FAM161A: variants seen among roughly 807,000 people sequenced by gnomAD.
The protein encoded by FAM161A is FAM161 centrosomal protein A.
A neutral mutation model predicts 70.9 loss-of-function variants in FAM161A; 57 were observed. That is an observed-to-expected ratio of 0.80 (90% CI 0.65 to 1.00). The LOEUF (loss-of-function observed/expected upper bound fraction) is 1.00. FAM161A is among the 50% of genes least tolerant of loss of function. The pLI is 0.00. For synonymous variants in FAM161A, 299 were observed against 295.7 expected, an observed-to-expected ratio of 1.01 and a Z score of -0.12; for missense variants, 880 against 836.0, an observed-to-expected ratio of 1.05 and a Z score of -0.65.
chr2:61,817,061 G>C, the FAM161A span, among the ~76,000 whole-genome samples: 1 of 152,148 alleles, frequency 6.6e-6, no homozygotes, highest in South Asian at 2.1e-4. Flanking sequence ...AAGAAATAAA[G>C]CTTTACCAAG....
downstream of FAM161A, among the ~76,000 whole-genome samples, chr2:61,824,408 A>C (rs1269840903): frequency 6.6e-6 from 1 of 151,982 alleles, no homozygotes; most frequent in Admixed American, 6.6e-5. Flanking sequence ...AGTGCTTCAA[A>C]AGTTATTTCT....
downstream of FAM161A, chr2:61,820,540 G>T (rs1672180387): frequency 6.7e-6 from 5 of 744,896 alleles, no homozygotes; most frequent in Middle Eastern, 3.7e-4. Flanking sequence ...CATTAAAGAA[G>T]ACACTGAAGA....
downstream of FAM161A, among the ~76,000 whole-genome samples, chr2:61,821,630 C>T (rs1353177525): frequency 2.0e-5 from 3 of 151,992 alleles, no homozygotes; most frequent in Non-Finnish European, 2.9e-5. Flanking sequence ...CAGGATCTCA[C>T]GCTGTTGCCC....
At chr2:61,817,767 G>T in the FAM161A span, among the ~76,000 whole-genome samples, 5 of 152,196 alleles carry the variant, frequency 3.3e-5, no homozygotes, top group African/African-American at 1.2e-4. Flanking sequence ...AGGAGACCAA[G>T]ACCAGCCTGG....
intron 1 of FAM161A, among the ~76,000 whole-genome samples, chr2:61,845,021 C>T (rs1007874726): frequency 4.6e-5 from 7 of 152,154 alleles, no homozygotes; most frequent in African/African-American, 1.7e-4. Context: ...CGCCAGGAAA[C>T]ATGTGGATAA....
chr2:61,824,087 T>C (rs141176482), downstream of FAM161A, among the ~76,000 whole-genome samples: 816 of 151,628 alleles, frequency 5.4e-3, 9 homozygotes, highest in African/African-American at 0.019. Context: ...AGTGCAGTGG[T>C]GCCATCTCGG....
chr2:61,843,104 T>G (rs979657329), intron 1 of FAM161A, among the ~76,000 whole-genome samples: 2 of 151,814 alleles, frequency 1.3e-5, no homozygotes, highest in South Asian at 2.1e-4. Flanking sequence ...TGACTGGCCT[T>G]TCTCCCTCAC....
chr2:61,821,798 C>T (rs1480585265), downstream of FAM161A, among the ~76,000 whole-genome samples: 1 of 151,710 alleles, frequency 6.6e-6, no homozygotes. Flanking sequence ...TAGACAGAGT[C>T]TTGCTCTGTT....
chr2:61,849,583 A>C (rs1673425281), intron 1 of FAM161A, among the ~76,000 whole-genome samples: 1 of 151,798 alleles, frequency 6.6e-6, no homozygotes, highest in Admixed American at 6.6e-5. Flanking sequence ...TCAGGAGTTC[A>C]AGATCATCCT....
Position 61,847,297 on chromosome 2 carries a change from G to A in FAM161A, c.184-4937C>T, listed in dbSNP as rs1394806948. Among the ~76,000 whole-genome samples the A allele has an allele frequency of 4.6e-5, 7 of 152,074 alleles. No individual in the cohort carries two copies. In the East Asian group the frequency reaches 7.7e-4, roughly 17 times the overall value. The stretch of plus-strand genomic sequence containing the variant: ...TCCTTCAGGTCTTTATGTAAATGTT[G>A]TCTTCTCAATAAGGTCTTCCCTGAC... On this transcript the variant is annotated intron_variant, in intron 1 of 6. Coordinates refer to ENST00000404929, the MANE Select transcript of FAM161A (RefSeq NM_001201543.2).
chr2:61,800,604 G>A, the FAM161A span, among the ~76,000 whole-genome samples: 2 of 152,178 alleles, frequency 1.3e-5, no homozygotes, highest in African/African-American at 4.8e-5. Context: ...TTTGAGAGCT[G>A]AGAGTTGGCC....
the FAM161A span, among the ~76,000 whole-genome samples, chr2:61,817,980 C>A: frequency 2.6e-5 from 4 of 151,874 alleles, no homozygotes; most frequent in African/African-American, 4.8e-5. Context: ...AAACCAAAAC[C>A]AAACCAAAAC....
chr2:61,814,098 A>AG, the FAM161A span, among the ~76,000 whole-genome samples: 1 of 151,798 alleles, frequency 6.6e-6, no homozygotes, highest in Non-Finnish European at 1.5e-5. Context: ...AGACTCAGTC[A>AG]GGGGGCAAAG....
chr2:61,827,508 G>A (rs1055941806), intron 5 of FAM161A, among the ~76,000 whole-genome samples: 13 of 151,426 alleles, frequency 8.6e-5, no homozygotes, highest in African/African-American at 3.2e-4. Context: ...TACTCGGGAG[G>A]CTGAGGCAGG....
chr2:61,845,741 G>A (rs1216944917), intron 1 of FAM161A, among the ~76,000 whole-genome samples: 2 of 151,864 alleles, frequency 1.3e-5, no homozygotes, highest in Non-Finnish European at 2.9e-5. Flanking sequence ...GCTGCAGTGA[G>A]CCGTGAGCGC....
At chr2:61,806,381 G>A in the FAM161A span, among the ~76,000 whole-genome samples, 1 of 152,108 alleles carries the variant, frequency 6.6e-6, no homozygotes. Flanking sequence ...ACTTTACAAT[G>A]AACCGCCTTC....
rs1386113360 is a variant in FAM161A, at chr2:61,839,488, G to A, written c.1516C>T (p.Pro506Ser). Residue 506 changes from proline to serine, a missense_variant, in exon 3 of 7, where the codon CCT becomes TCT. Pro to Ser is a moderately conservative substitution (Grantham distance 74, BLOSUM62 -1). Transcript: ENST00000404929. ...KSPVRCAGVN[P>S]VPCNCNPPVP... is the part of the protein sequence containing the mutation. ...GGAGGGTTGCAGTTACAAGGCACAGGGTTTACACCTGCACATCTTACTGGT... is the reference window on the plus strand; with the variant it reads ...GGAGGGTTGCAGTTACAAGGCACAGAGTTTACACCTGCACATCTTACTGGT... 2 of 1,614,092 alleles carry A rather than the reference G, an allele frequency of 1.2e-6. No homozygotes were observed. The highest frequency in any genetic ancestry group is 1.1e-5 in the South Asian group (1 of 91,072).
rs1673039956 is a variant in FAM161A at position 61,842,143 on chromosome 2, T to C, written c.401A>G (p.Asp134Gly). Residue 134 changes from aspartate to glycine, a missense_variant, in exon 2 of 7, where the codon GAC becomes GGC. Physicochemically the swap from Asp to Gly is moderately conservative, Grantham distance 94. Transcript: ENST00000404929. ...TTACCTGGAAGAGTCACTAAGAGAGTCTTCTCTGATGACCACTGGCTGAAC... is the reference window on the plus strand; with the variant it reads ...TTACCTGGAAGAGTCACTAAGAGAGCCTTCTCTGATGACCACTGGCTGAAC... ...KEVQPVVIRE[D>G]SLSDSSRSVS... is the part of the protein sequence containing the mutation. 1 of 1,600,606 alleles carries C rather than the reference T, an allele frequency of 6.2e-7. No individual in the cohort carries two copies. Among genetic ancestry groups the C allele is most frequent in the Non-Finnish European group, 8.6e-7 (1 of 1,168,002 alleles).
chr2:61,823,264 C>T (rs184782695), downstream of FAM161A, among the ~76,000 whole-genome samples: 1,033 of 149,590 alleles, frequency 6.9e-3, 14 homozygotes, highest in South Asian at 0.045. Flanking sequence ...ACCTGGGTGG[C>T]AGGGGTTGCA....
Sources: allele counts gnomAD v4.1 joint callset (sites outside exome capture counted in the v4.1 genomes callset), GRCh38; gene constraint gnomAD v4.1.1; transcripts MANE v1.5; gene names NCBI Gene and HGNC (gene_info 2026-07-23, HGNC 2026-07-21).